The following TAFA2 variants were observed in gnomAD, a reference collection of about 807,000 sequenced individuals.
TAFA2 encodes the protein TAFA chemokine like family member 2.
In TAFA2, 7 loss-of-function variants were observed where a neutral mutation model predicts 18.8. The ratio of observed to expected loss-of-function variants is 0.37; its 90% CI spans 0.21 to 0.70. TAFA2 has a LOEUF of 0.70. TAFA2 is among the 30% of genes least tolerant of loss of function. The pLI, the probability that TAFA2 is intolerant of heterozygous loss-of-function variation, is 0.53. For missense variants in TAFA2, 122 were observed against 158.1 expected (o/e 0.77, Z 1.23); for synonymous variants, 60 against 54.2 (o/e 1.11, Z -0.47).
chr12:62,062,594 A>G (rs1315913429), intron 1 of TAFA2, among the ~76,000 whole-genome samples: 3 of 152,104 alleles, frequency 2.0e-5, no homozygotes, highest in African/African-American at 7.2e-5. Flanking sequence ...ACCTGTATCC[A>G]TTTTCTGTTG....
intron 1 of TAFA2, among the ~76,000 whole-genome samples, chr12:61,897,489 T>C (rs890452589): frequency 1.3e-5 from 2 of 152,118 alleles, no homozygotes; most frequent in East Asian, 3.9e-4. Flanking sequence ...CTCAGGAAAC[T>C]TACTATCATA....
At chr12:62,254,421 A>C (rs1186033403) in intron 1 of TAFA2, among the ~76,000 whole-genome samples, 2 of 152,170 alleles carry the variant, frequency 1.3e-5, no homozygotes, top group African/African-American at 4.8e-5. Flanking sequence ...TAAAATGCAT[A>C]CTATTTTCAC....
At chr12:62,151,614 A>G (rs2062328964) in intron 1 of TAFA2, among the ~76,000 whole-genome samples, 1 of 152,238 alleles carries the variant, frequency 6.6e-6, no homozygotes. Context: ...AGTGGCATAG[A>G]GACAAAAATC....
At chr12:62,250,320 A>G (rs900730427) in intron 1 of TAFA2, among the ~76,000 whole-genome samples, 2 of 152,124 alleles carry the variant, frequency 1.3e-5, no homozygotes, top group Non-Finnish European at 2.9e-5. Flanking sequence ...TTCTATCTAA[A>G]TCGCATTTTT....
At chr12:61,926,561 G>A (rs1877301924) in intron 1 of TAFA2, among the ~76,000 whole-genome samples, 1 of 151,982 alleles carries the variant, frequency 6.6e-6, no homozygotes, top group African/African-American at 2.4e-5. Flanking sequence ...TCAATAAATG[G>A]AATCCATTAC....
At chr12:62,142,110 C>T (rs1397289689) in intron 1 of TAFA2, among the ~76,000 whole-genome samples, 1 of 152,160 alleles carries the variant, frequency 6.6e-6, no homozygotes, top group Non-Finnish European at 1.5e-5. Flanking sequence ...AATGAAGAAA[C>T]TGGGGCTCAG....
rs184779991 is a variant in TAFA2, at chr12:61,953,862, G to A, written c.-1-86436C>T. ...ACATAGGACATTTCGCTAATAGTGC[G>A]GTGTAGTCACCGCACTACACAGGCA... On this transcript the variant is annotated intron_variant, in intron 1 of 4. Transcript: ENST00000416284. 1.1e-4 allele frequency among the ~76,000 whole-genome samples: 17 copies of A among 152,172 alleles called. No individual in the cohort carries two copies. The East Asian group carries it at 1.7e-3, about 16-fold the overall frequency.
At chr12:62,103,018 A>G (rs1339573173) in intron 1 of TAFA2, among the ~76,000 whole-genome samples, 2 of 152,200 alleles carry the variant, frequency 1.3e-5, no homozygotes, top group East Asian at 1.9e-4. Context: ...CCTTGTGCTC[A>G]TGCAACCTCT....
intron 1 of TAFA2, among the ~76,000 whole-genome samples, chr12:62,037,859 C>A (rs572331805): frequency 6.6e-6 from 1 of 152,150 alleles, no homozygotes; most frequent in Admixed American, 6.5e-5. Flanking sequence ...AAATCAAAAT[C>A]TCTTTGGAGG....
intron 1 of TAFA2, among the ~76,000 whole-genome samples, chr12:62,229,548 T>C (rs993306061): frequency 2.4e-4 from 36 of 152,144 alleles, no homozygotes; most frequent in African/African-American, 8.7e-4. Context: ...ACCATTCTTG[T>C]ATTCCTGGGC....
intron 1 of TAFA2, among the ~76,000 whole-genome samples, chr12:61,903,362 C>T (rs1422618834): frequency 6.6e-6 from 1 of 152,312 alleles, no homozygotes; most frequent in Non-Finnish European, 1.5e-5. Context: ...TTTCTCTCTT[C>T]AAGTTTAATC....
intron 1 of TAFA2, among the ~76,000 whole-genome samples, chr12:62,234,212 C>A (rs560901762): frequency 2.0e-5 from 3 of 152,208 alleles, no homozygotes; most frequent in Admixed American, 1.3e-4. Context: ...TCTTCCCTGA[C>A]ACATTCTTTA....
chr12:61,907,056 GT>G (rs1876388422), intron 1 of TAFA2, among the ~76,000 whole-genome samples: 2 of 152,116 alleles, frequency 1.3e-5, no homozygotes. Context: ...GAGCATAAAA[GT>G]TTGGAAAATT....
chr12:61,861,149 G>A (rs879427941), intron 2 of TAFA2, among the ~76,000 whole-genome samples: 5 of 151,610 alleles, frequency 3.3e-5, no homozygotes, highest in African/African-American at 9.7e-5. Context: ...ATGAGATTTC[G>A]CCATGTTGCC....
chr12:62,132,778 T>G (rs1335866660), intron 1 of TAFA2, among the ~76,000 whole-genome samples: 1 of 151,936 alleles, frequency 6.6e-6, no homozygotes, highest in Non-Finnish European at 1.5e-5. Flanking sequence ...ATTTTTCAAA[T>G]GAGCAAACAA....
chr12:62,187,826 C>T (rs1419611440), intron 1 of TAFA2, among the ~76,000 whole-genome samples: 1 of 152,124 alleles, frequency 6.6e-6, no homozygotes, highest in African/African-American at 2.4e-5. Flanking sequence ...TGCTCCGAAC[C>T]TAAAGTAAAA....
At chr12:61,927,700 C>A (rs1877363811) in intron 1 of TAFA2, among the ~76,000 whole-genome samples, 1 of 152,090 alleles carries the variant, frequency 6.6e-6, no homozygotes, top group South Asian at 2.1e-4. Context: ...TCCGTATAGC[C>A]AAGACAATCC....
intron 1 of TAFA2, among the ~76,000 whole-genome samples, chr12:62,153,663 T>C (rs1463525820): frequency 6.7e-6 from 1 of 150,362 alleles, no homozygotes; most frequent in Non-Finnish European, 1.5e-5. Context: ...AGTAAGACCT[T>C]GTCTCAAAAA....
chr12:62,059,104 A>G (rs1882271287), intron 1 of TAFA2, among the ~76,000 whole-genome samples: 1 of 97,960 alleles, frequency 1.0e-5, no homozygotes, highest in South Asian at 3.3e-4. Flanking sequence ...CTCCGTCTCA[A>G]AAAAAATAAT....
Sources: gnomAD v4.1 joint callset for allele counts (sites outside exome capture counted in the v4.1 genomes callset) on GRCh38, gnomAD v4.1.1 for gene constraint, MANE v1.5 for transcripts, NCBI Gene and HGNC (gene_info 2026-07-23, HGNC 2026-07-21) for gene names.